FOCAD: variants seen among roughly 807,000 people sequenced by gnomAD.
The protein encoded by FOCAD is focadhesin, also known as KIAA1797.
FOCAD carries 198 observed loss-of-function variants against 225.6 expected under a neutral mutation model. That is an observed-to-expected ratio of 0.88 (90% confidence interval 0.78 to 0.99). FOCAD has a LOEUF of 0.99. Among genes scored for constraint, FOCAD ranks in the 50% least tolerant of loss-of-function variants. FOCAD has a pLI of 0.00. For synonymous variants in FOCAD, 897 were observed against 755.0 expected, an observed-to-expected ratio of 1.19 and a Z score of -3.08; for missense variants, 2,713 against 2,123.6, an observed-to-expected ratio of 1.28 and a Z score of -5.46.
At chr9:20,992,960 T>TA (rs76133502) in intron 42 of FOCAD, among the ~76,000 whole-genome samples, 2,373 of 140,878 alleles carry the variant, frequency 0.017, 36 homozygotes, top group African/African-American at 0.043. Flanking sequence ...AGACTCCATC[T>TA]AAAAAAAAAA....
chr9:20,799,267 G>C (rs963410287), intron 11 of FOCAD, among the ~76,000 whole-genome samples: 2 of 152,196 alleles, frequency 1.3e-5, no homozygotes, highest in Admixed American at 6.5e-5. Flanking sequence ...TTACTTCCAA[G>C]TATGTGGTCA....
At chr9:20,778,347 A>C (rs1279684380) in intron 8 of FOCAD, among the ~76,000 whole-genome samples, 1 of 151,872 alleles carries the variant, frequency 6.6e-6, no homozygotes, top group African/African-American at 2.4e-5. Context: ...TGGGTCAAGC[A>C]ATTGCCTCCT....
intron 11 of FOCAD, among the ~76,000 whole-genome samples, chr9:20,804,765 T>C (rs2131310359): frequency 6.6e-6 from 1 of 150,640 alleles, no homozygotes; most frequent in South Asian, 2.1e-4. Flanking sequence ...TTTCAACTGC[T>C]GGAATGAAAT....
intron 20 of FOCAD, 49 bp from the exon 21 acceptor site, chr9:20,885,060 A>T (rs1830994272): frequency 8.7e-7 from 1 of 1,145,766 alleles, no homozygotes. Flanking sequence ...TTCTGTCTTA[A>T]AAAAATAAAA....
intron 15 of FOCAD, among the ~76,000 whole-genome samples, chr9:20,845,653 G>A (rs2131591857): frequency 6.6e-6 from 1 of 151,990 alleles, no homozygotes; most frequent in South Asian, 2.1e-4. Context: ...AAATGGGGCT[G>A]CCGGTCCAAG....
intron 18 of FOCAD, among the ~76,000 whole-genome samples, chr9:20,867,815 G>T (rs1400835301): frequency 6.6e-6 from 1 of 152,034 alleles, no homozygotes; most frequent in African/African-American, 2.4e-5. Context: ...TGGCAAGAAG[G>T]TTTGGTGTGA....
chr9:20,741,625 C>G (rs960208013), intron 5 of FOCAD, among the ~76,000 whole-genome samples: 1 of 144,650 alleles, frequency 6.9e-6, no homozygotes, highest in African/African-American at 2.5e-5. Flanking sequence ...TTTGAAAATA[C>G]TATGAAAACT....
chr9:20,933,301 G>C (rs1029354938), intron 28 of FOCAD, among the ~76,000 whole-genome samples, 198 bp downstream of exon 28: 1 of 152,168 alleles, frequency 6.6e-6, no homozygotes, highest in African/African-American at 2.4e-5. Context: ...CATCACCCAA[G>C]CAGTATACAC....
chr9:20,656,762 A>C (rs1821491458), upstream of FOCAD, among the ~76,000 whole-genome samples: 1 of 152,148 alleles, frequency 6.6e-6, no homozygotes, highest in African/African-American at 2.4e-5. Context: ...TAATTGGAGC[A>C]TTTAGTCCAT....
chr9:20,915,733 G>A (rs1438620458), intron 23 of FOCAD, among the ~76,000 whole-genome samples: 2 of 152,150 alleles, frequency 1.3e-5, no homozygotes, highest in Non-Finnish European at 2.9e-5. Flanking sequence ...ACTACAGTAT[G>A]TTCACATGCT....
chr9:20,903,903 C>T (rs1303471310), intron 21 of FOCAD, among the ~76,000 whole-genome samples: 1 of 151,888 alleles, frequency 6.6e-6, no homozygotes, highest in East Asian at 1.9e-4. Flanking sequence ...TTTCTATTCC[C>T]TCCTCGTTTC....
rs962315629 is a variant in FOCAD, at chr9:20,868,707, C to CT, written c.2190+1706dup. Among the ~76,000 whole-genome samples, 72 of 146,856 alleles carry CT rather than the reference C, an allele frequency of 4.9e-4. 1 individual carries two copies. The highest frequency in any genetic ancestry group is 2.8e-3 in the South Asian group (13 of 4,668). On this transcript the variant is annotated intron_variant, in intron 18 of 43. Transcript: ENST00000338382. ...ATCCTTTTGTAGCTATGCTTTTCAG[C>CT]TTTTTTTTTTTCTTGCCCTAATCCC...
intron 2 of FOCAD, among the ~76,000 whole-genome samples, chr9:20,668,634 C>G (rs1476091311): frequency 1.3e-5 from 2 of 152,156 alleles, no homozygotes; most frequent in African/African-American, 2.4e-5. Flanking sequence ...CTGAATAGAT[C>G]CATTAGTCGT....
At chr9:20,702,357 G>A (rs951827718) in intron 1 of FOCAD, among the ~76,000 whole-genome samples, 7 of 152,220 alleles carry the variant, frequency 4.6e-5, no homozygotes, top group East Asian at 3.9e-4. Context: ...TCCCGCCTCA[G>A]CCTCCCAAAG....
chr9:20,670,755 T>G (rs749293263), intron 2 of FOCAD, among the ~76,000 whole-genome samples: 1 of 152,144 alleles, frequency 6.6e-6, no homozygotes, highest in South Asian at 2.1e-4. Flanking sequence ...CTTAGAGAGT[T>G]AATTTGCCCA....
chr9:20,766,589 C>T (rs1048971015), intron 7 of FOCAD, among the ~76,000 whole-genome samples: 31 of 152,020 alleles, frequency 2.0e-4, no homozygotes, highest in Admixed American at 7.2e-4. Context: ...AAAAAAACCC[C>T]ATCTGTATCC....
chr9:20,800,303 G>A lies in FOCAD; in HGVS notation c.1455+10695G>A, dbSNP rs555866378. Among the ~76,000 whole-genome samples the A allele has an allele frequency of 5.3e-5, 8 of 152,094 alleles. No homozygotes were observed. The South Asian group carries it at 8.3e-4, about 16-fold the overall frequency. ...ACATTTTTTCCTTCATTTCAACTTT[G>A]GTGAATCTGACAATTATGTGTCTTG... On this transcript the variant is annotated intron_variant, in intron 11 of 43. Transcript: ENST00000338382.
chr9:20,835,346 G>A (rs1344799065), intron 15 of FOCAD, among the ~76,000 whole-genome samples: 1 of 152,046 alleles, frequency 6.6e-6, no homozygotes, highest in Admixed American at 6.6e-5. Context: ...GAAATGTGTT[G>A]TAACATGGAG....
chr9:20,864,033 G>A (rs1021487219), intron 16 of FOCAD, among the ~76,000 whole-genome samples: 1 of 151,878 alleles, frequency 6.6e-6, no homozygotes, highest in Non-Finnish European at 1.5e-5. Context: ...CTTTGGGGCC[G>A]TTCTCTCTAT....
Sources: gnomAD v4.1 joint callset for allele counts (sites outside exome capture counted in the v4.1 genomes callset) on GRCh38, gnomAD v4.1.1 for gene constraint, MANE v1.5 for transcripts, NCBI Gene and HGNC (gene_info 2026-07-23, HGNC 2026-07-21) for gene names.